EDIL3: variants seen among roughly 807,000 people sequenced by gnomAD.
The protein encoded by EDIL3 is EGF-like repeat and discoidin I-like domain-containing protein 3.
A neutral mutation model predicts 67.4 loss-of-function variants in EDIL3; 37 were observed. The observed-to-expected ratio is 0.55, with a 90% CI of 0.42 to 0.72. The LOEUF is 0.72. Ranked by LOEUF, EDIL3 falls within the 30% of genes least tolerant of loss-of-function variation. The pLI is 0.00. For synonymous variants in EDIL3, 195 were observed against 196.3 expected, an observed-to-expected ratio of 0.99 and a Z score of 0.05; for missense variants, 527 against 586.3, an observed-to-expected ratio of 0.90 and a Z score of 1.04.
At chr5:84,036,991 G>C (rs950047324) in intron 9 of EDIL3, among the ~76,000 whole-genome samples, 21 of 152,130 alleles carry the variant, frequency 1.4e-4, no homozygotes, top group Admixed American at 5.9e-4. Flanking sequence ...GGCCTCACAA[G>C]AGGTAACTTC....
intron 1 of EDIL3, among the ~76,000 whole-genome samples, chr5:84,358,592 C>CTTTTTTTTTTTTTTTTTTTTTTT: frequency 1.1e-5 from 1 of 94,560 alleles, no homozygotes; most frequent in Non-Finnish European, 2.1e-5. Flanking sequence ...CATTTTTATC[C>CTTTTTTTTTTTTTTTTTTTTTTT]TTTTTTTTTT....
At chr5:84,069,395 T>C (rs1260173538) in intron 6 of EDIL3, among the ~76,000 whole-genome samples, 1 of 152,192 alleles carries the variant, frequency 6.6e-6, no homozygotes, top group Non-Finnish European at 1.5e-5. Context: ...CCGACCTATA[T>C]AATCTTGAAC....
chr5:84,126,073 A>T (rs1747865514), intron 5 of EDIL3, among the ~76,000 whole-genome samples: 1 of 152,046 alleles, frequency 6.6e-6, no homozygotes, highest in African/African-American at 2.4e-5. Context: ...GTTGAGGAGA[A>T]GCAGGAATGA....
At chr5:83,972,437 A>G (rs994476871) in intron 9 of EDIL3, among the ~76,000 whole-genome samples, 1 of 152,084 alleles carries the variant, frequency 6.6e-6, no homozygotes, top group African/African-American at 2.4e-5. Context: ...AGGCATCCCA[A>G]TGCACATAAA....
chr5:84,018,277 G>C (rs538708654), intron 9 of EDIL3, among the ~76,000 whole-genome samples: 1 of 152,110 alleles, frequency 6.6e-6, no homozygotes, highest in Non-Finnish European at 1.5e-5. Flanking sequence ...TGCAACTTTT[G>C]TCTCAGCATA....
chr5:84,297,726 C>G (rs2607358), intron 1 of EDIL3, among the ~76,000 whole-genome samples: 45,199 of 152,002 alleles, frequency 0.3, 7,069 homozygotes, highest in Non-Finnish European at 0.35. Flanking sequence ...TCAAAAGGGC[C>G]TGTTGCATTA....
intron 1 of EDIL3, among the ~76,000 whole-genome samples, chr5:84,323,258 G>A (rs140440714): frequency 3.9e-5 from 6 of 152,016 alleles, no homozygotes; most frequent in East Asian, 1.9e-4. Context: ...ATATTAAGAC[G>A]TAATTTTGTG....
intron 6 of EDIL3, among the ~76,000 whole-genome samples, chr5:84,082,871 ATTATTG>A (rs1746996516): frequency 6.6e-6 from 1 of 152,178 alleles, no homozygotes; most frequent in Non-Finnish European, 1.5e-5. Flanking sequence ...AATTAACCAG[ATTATTG>A]AATATTAGAC....
At chr5:83,971,167 T>C (rs956028685) in intron 9 of EDIL3, among the ~76,000 whole-genome samples, 2 of 151,904 alleles carry the variant, frequency 1.3e-5, no homozygotes, top group African/African-American at 2.4e-5. Flanking sequence ...TATTTTGAAA[T>C]ATATTTCAGG....
At chr5:84,026,991 AG>A (rs1325803186) in intron 9 of EDIL3, among the ~76,000 whole-genome samples, 2 of 152,108 alleles carry the variant, frequency 1.3e-5, no homozygotes, top group African/African-American at 4.8e-5. Flanking sequence ...GCTGCTTGGG[AG>A]GCTGAGGTGG....
At chr5:84,082,940 A>G (rs1746997655) in intron 6 of EDIL3, among the ~76,000 whole-genome samples, 1 of 152,176 alleles carries the variant, frequency 6.6e-6, no homozygotes, top group South Asian at 2.1e-4. Context: ...TACACTGTCA[A>G]TATTCCGTAA....
At chr5:84,067,989 C>T (rs1217903107) in intron 6 of EDIL3, among the ~76,000 whole-genome samples, 1 of 152,148 alleles carries the variant, frequency 6.6e-6, no homozygotes, top group Non-Finnish European at 1.5e-5. Flanking sequence ...ACCATGAGTA[C>T]ATTTTAAGTC....
rs1398548471 is a variant in EDIL3 at position 84,384,375 on chromosome 5, G to A, written c.-1C>T. 1 of 1,612,486 alleles carries A rather than the reference G, an allele frequency of 6.2e-7. No homozygotes were observed. Among genetic ancestry groups the A allele is most frequent in the Non-Finnish European group, 8.5e-7 (1 of 1,179,368 alleles). Reference sequence around the variant, plus strand: ...GCCAGACGGCTACCGAGCGCTTCATGATCCCGTCTCCCGGACGTGACCCCG... The same window carrying A: ...GCCAGACGGCTACCGAGCGCTTCATAATCCCGTCTCCCGGACGTGACCCCG... On this transcript the variant is annotated 5_prime_UTR_variant, in exon 1 of 11. Transcript: ENST00000296591.
intron 9 of EDIL3, among the ~76,000 whole-genome samples, chr5:83,963,845 AT>A: frequency 6.6e-6 from 1 of 151,824 alleles, no homozygotes; most frequent in Non-Finnish European, 1.5e-5. Flanking sequence ...GATTTTCACA[AT>A]GGAACATTAG....
At position 84,325,042 on chromosome 5, in the gene EDIL3, T is replaced by G. The variant is rs1328616384; in HGVS notation, c.67+59266A>C. On this transcript the variant is annotated intron_variant, in intron 1 of 10. Transcript: ENST00000296591. Reference sequence around the variant, plus strand: ...AAATCGAAGAGGAAGGAGCAACTCTTAGTAGAAAAGCTTCACAACATTGGA... The same window carrying G: ...AAATCGAAGAGGAAGGAGCAACTCTGAGTAGAAAAGCTTCACAACATTGGA... 4.6e-5 allele frequency among the ~76,000 whole-genome samples: 7 copies of G among 151,882 alleles called. No individual in the cohort carries two copies. In the East Asian group the frequency reaches 1.4e-3, roughly 29 times the overall value.
At chr5:84,061,360 T>A (rs1746538467) in intron 8 of EDIL3, among the ~76,000 whole-genome samples, 1 of 152,172 alleles carries the variant, frequency 6.6e-6, no homozygotes, top group South Asian at 2.1e-4. Context: ...GACACAAAAT[T>A]TCCCAGTCTT....
At chr5:84,172,443 A>C (rs1046431419) in intron 4 of EDIL3, among the ~76,000 whole-genome samples, 1 of 151,916 alleles carries the variant, frequency 6.6e-6, no homozygotes, top group African/African-American at 2.4e-5. Flanking sequence ...TTAGCTCAGC[A>C]TGGTGGCATG....
intron 6 of EDIL3, among the ~76,000 whole-genome samples, chr5:84,072,969 C>T (rs1054480895): frequency 5.9e-5 from 9 of 152,180 alleles, no homozygotes; most frequent in Middle Eastern, 3.4e-3. Context: ...ACTTTTATTA[C>T]AAGAACACCA....
intron 6 of EDIL3, among the ~76,000 whole-genome samples, chr5:84,089,619 ACATGT>A (rs1747128898): frequency 6.6e-6 from 1 of 152,202 alleles, no homozygotes; most frequent in Non-Finnish European, 1.5e-5. Flanking sequence ...CGGACCACTT[ACATGT>A]CATCTTCCTA....
Sources: gnomAD v4.1 joint callset for allele counts (sites outside exome capture counted in the v4.1 genomes callset) on GRCh38, gnomAD v4.1.1 for gene constraint, MANE v1.5 for transcripts, NCBI Gene and HGNC (gene_info 2026-07-23, HGNC 2026-07-21) for gene names.